The following STRIP1 variants were observed in gnomAD, a reference collection of about 807,000 sequenced individuals.
STRIP1 encodes the protein striatin interacting protein 1.
Under a neutral mutation model 106.2 loss-of-function variants are expected in STRIP1, and 63 were observed. That is an observed-to-expected ratio of 0.59 (90% CI 0.48 to 0.73). STRIP1 has a LOEUF of 0.73. Ranked by LOEUF, STRIP1 falls within the 30% of genes least tolerant of loss-of-function variation. The probability of loss-of-function intolerance (pLI) is 0.00; values close to 1 mark genes in which losing one functional copy is unlikely to be tolerated. For missense variants in STRIP1, 857 were observed against 1,074.8 expected, an observed-to-expected ratio of 0.80 and a Z score of 2.83; for synonymous variants, 390 against 413.0, an observed-to-expected ratio of 0.94 and a Z score of 0.67.
rs374884975 is a variant in STRIP1 at position 110,047,539 on chromosome 1, A to G, written c.1489-3A>G. 6.2e-7 allele frequency: 1 copy of G among 1,610,274 alleles called. No homozygotes were observed. The highest frequency in any genetic ancestry group is 8.5e-7 in the Non-Finnish European group (1 of 1,178,074). ...TTTATGCTTGTACTCATTATGTTAA[A>G]AGGGAGAAGAAGAAGTTGAGCAAGT... On this transcript the variant is annotated splice_region_variant and splice_polypyrimidine_tract_variant and intron_variant, in intron 13 of 20. Transcript: ENST00000369795.
At chr1:110,043,975 T>C in intron 10 of STRIP1, 119 bp downstream of exon 10, 1 of 962,030 alleles carries the variant, frequency 1.0e-6, no homozygotes, top group Non-Finnish European at 1.6e-6. Context: ...TGACCGTGGC[T>C]CTGGGATGAG....
At chr1:110,044,724 G>C (rs1652933602) in intron 10 of STRIP1, 116 bp from the exon 11 acceptor site, 1 of 931,272 alleles carries the variant, frequency 1.1e-6, no homozygotes, top group African/African-American at 1.7e-5. Flanking sequence ...AACAATTATA[G>C]GAGACTTCTC....
chr1:110,050,626 G>A (rs779100377), intron 18 of STRIP1, among the ~76,000 whole-genome samples: 2 of 152,222 alleles, frequency 1.3e-5, no homozygotes, highest in Non-Finnish European at 2.9e-5. Flanking sequence ...AGGGAGTGTG[G>A]TCTTCAGGGG....
rs1322311399 is a variant in STRIP1 at position 110,054,230 on chromosome 1, C to T, written c.*318C>T. ...TGGGAAAGCTGGAATGGGATGGGAACCCCTCCGCCGTGCATCTGAATTTCA... is the reference window on the plus strand; with the variant it reads ...TGGGAAAGCTGGAATGGGATGGGAATCCCTCCGCCGTGCATCTGAATTTCA... On this transcript the variant is annotated 3_prime_UTR_variant, in exon 21 of 21. Transcript: ENST00000369795. The T allele has an allele frequency of 4.1e-5, 13 of 320,746 alleles. No homozygotes were observed. In the Admixed American group the frequency reaches 5.1e-4, roughly 13 times the overall value. 19.9% of individuals were successfully genotyped at this position (320,746 alleles called of 1,614,324 possible). A position where few individuals can be genotyped will look rare whatever the true frequency, so the allele number is the denominator to read the frequency against.
intron 6 of STRIP1, among the ~76,000 whole-genome samples, chr1:110,040,956 A>C (rs1652730994): frequency 6.6e-6 from 1 of 152,058 alleles, no homozygotes; most frequent in South Asian, 2.1e-4. Context: ...GTGGCCTCCT[A>C]CTCACACTGT....
chr1:110,052,031 A>C (rs1653325819), intron 20 of STRIP1, 144 bp downstream of exon 20: 1 of 873,466 alleles, frequency 1.1e-6, no homozygotes, highest in African/African-American at 1.7e-5. Context: ...CTGCTTTTGT[A>C]GCATCAGGAT....
intron 20 of STRIP1, among the ~76,000 whole-genome samples, chr1:110,052,509 G>A (rs187546354): frequency 4.4e-4 from 67 of 151,980 alleles, no homozygotes; most frequent in African/African-American, 1.4e-3. Flanking sequence ...AGATTCTGTC[G>A]CCCAGGCTGG....
rs758844866 is a variant in STRIP1 at position 110,043,839 on chromosome 1, G to A, written c.1269G>A (p.Pro423=). 100 of 1,613,844 alleles carry A rather than the reference G, an allele frequency of 6.2e-5. 1 individual carries two copies. Among genetic ancestry groups the A allele is most frequent in the Middle Eastern group, 1.6e-4 (1 of 6,068 alleles). The change falls in exon 10 of 21, where the codon CCG becomes CCA. Residue 423 remains proline (P), a synonymous_variant. Transcript: ENST00000369795. The part of the protein sequence containing the change: ...TDRLTCPKGL[P]WAPKVREKDI... ...GGCTGACTTGCCCCAAAGGGCTCCC[G>A]TGGGCTCCCAAGGTCAGGTGAGTCT... is the stretch of plus-strand genomic sequence containing the variant.
intron 2 of STRIP1, 154 bp downstream of exon 2, chr1:110,038,114 GTA>G (rs1652566697): frequency 1.9e-5 from 2 of 107,958 alleles, no homozygotes; most frequent in South Asian, 3.0e-4. Flanking sequence ...ATATATATAT[GTA>G]TAAAACATGT....
chr1:110,034,671 A>C lies in STRIP1; in HGVS notation c.34A>C (p.Ile12Leu). Residue 12 changes from isoleucine (I) to leucine (L), a missense_variant, in exon 1 of 21, where the codon ATC (isoleucine) becomes CTC (leucine). Ile to Leu is a conservative substitution (Grantham distance 5). Transcript: ENST00000369795. Reference sequence around the variant, plus strand: ...GGCAGTCGGCGGTCCGGGCCCACTGATCGTGAACAACAAACAGCCCCAGCC... The same window carrying C: ...GGCAGTCGGCGGTCCGGGCCCACTGCTCGTGAACAACAAACAGCCCCAGCC... Reference protein sequence around the residue: ...EPAVGGPGPLIVNNKQPQPPP... With the variant: ...EPAVGGPGPLLVNNKQPQPPP... 6.6e-7 allele frequency: 1 copy of C among 1,524,580 alleles called. No homozygotes were observed. Among genetic ancestry groups the C allele is most frequent in the Non-Finnish European group, 8.8e-7 (1 of 1,136,962 alleles). 94.4% of individuals were successfully genotyped at this position (1,524,580 alleles called of 1,614,324 possible). A position where few individuals can be genotyped will look rare whatever the true frequency, so the allele number is the denominator to read the frequency against.
At chr1:110,050,160 C>A in intron 17 of STRIP1, 183 bp from the exon 18 acceptor site, 1 of 600,646 alleles carries the variant, frequency 1.7e-6, no homozygotes, top group Non-Finnish European at 3.0e-6. Flanking sequence ...TTTACAAGTT[C>A]TCTTGTAACA....
chr1:110,047,007 G>A (rs908482743), intron 13 of STRIP1, among the ~76,000 whole-genome samples: 2 of 152,080 alleles, frequency 1.3e-5, no homozygotes, highest in East Asian at 3.9e-4. Flanking sequence ...CCGAGATAGC[G>A]CCACTGCACT....
In STRIP1 at chr1:110,053,683, G is replaced by A. The variant is rs1212110318; in HGVS notation, c.2285G>A (p.Trp762Ter). The A allele has an allele frequency of 1.2e-6, 2 of 1,614,100 alleles. No homozygotes were observed. The highest frequency in any genetic ancestry group is 8.5e-7 in the Non-Finnish European group (1 of 1,180,004). The change falls in exon 21 of 21, where the codon TGG becomes TAG. Residue 762 changes from tryptophan to a stop codon, truncating the protein, a stop_gained. Transcript: ENST00000369795. LOFTEE classifies it high-confidence loss of function. ...AYGNDLDARP[W>*]DFQAEECALR... ...GTCTCAGATCTTGATGCCCGGCCTT[G>A]GGACTTCCAGGCAGAGGAGTGTGCC...
In STRIP1 at chr1:110,039,314, G is replaced by A. The variant is rs1464205731; in HGVS notation, c.460+8G>A. ...TTCTCTATGTTGCTCAAGGTATTGAGTGGACCTCCCCAGGGTTCCCTGGCA... is the reference window on the plus strand; with the variant it reads ...TTCTCTATGTTGCTCAAGGTATTGAATGGACCTCCCCAGGGTTCCCTGGCA... On this transcript the variant is annotated splice_region_variant and intron_variant, in intron 4 of 20. Coordinates refer to ENST00000369795, the MANE Select transcript of STRIP1 (RefSeq NM_033088.4). 1.9e-6 allele frequency: 3 copies of A among 1,614,020 alleles called. No individual in the cohort carries two copies. Among genetic ancestry groups the A allele is most frequent in the Admixed American group, 1.7e-5 (1 of 60,006 alleles).
chr1:110,032,795 A>G (rs1244353830), upstream of STRIP1, among the ~76,000 whole-genome samples: 1 of 152,178 alleles, frequency 6.6e-6, no homozygotes, highest in Non-Finnish European at 1.5e-5. Flanking sequence ...ATCTCCATCT[A>G]CATGGTCCCC....
intron 5 of STRIP1, chr1:110,039,731 G>A: frequency 1.9e-6 from 2 of 1,075,620 alleles, no homozygotes; most frequent in East Asian, 6.1e-5. Context: ...CCTGATGCCA[G>A]AGTTTTTACA....
rs1231237301 is a variant in STRIP1, at chr1:110,044,832, T to C, written c.1287-8T>C. ...TTTTTCTTTCTCTCTTTTTTGGTGA[T>C]GTGGCAGAGAGAAAGACATTGAGAT... On this transcript the variant is annotated splice_polypyrimidine_tract_variant and splice_region_variant and intron_variant, in intron 10 of 20. Transcript: ENST00000369795. 8.1e-6 allele frequency: 13 copies of C among 1,613,886 alleles called. No homozygotes were observed. The highest frequency in any genetic ancestry group is 1.0e-5 in the Non-Finnish European group (12 of 1,179,876).
chr1:110,046,701 G>A lies in STRIP1; in HGVS notation c.1438G>A (p.Glu480Lys). Residue 480 changes from glutamate (E) to lysine (K), a missense_variant, in exon 13 of 21, where the codon GAG becomes AAG. Coordinates refer to ENST00000369795, the MANE Select transcript of STRIP1 (RefSeq NM_033088.4). ...LKQHKYTSIA[E>K]VQAQMEEEYL... ...CCAGCACAAGTACACGTCGATTGCAGAGGTCCAGGCACAGATGGAGGAGGA... is the reference window on the plus strand; with the variant it reads ...CCAGCACAAGTACACGTCGATTGCAAAGGTCCAGGCACAGATGGAGGAGGA... The A allele has an allele frequency of 1.2e-6, 2 of 1,613,584 alleles. No homozygotes were observed. Among genetic ancestry groups the A allele is most frequent in the Non-Finnish European group, 1.7e-6 (2 of 1,179,614 alleles).
intron 1 of STRIP1, among the ~76,000 whole-genome samples, chr1:110,036,670 C>T (rs1652472959): frequency 6.6e-6 from 1 of 152,176 alleles, no homozygotes; most frequent in African/African-American, 2.4e-5. Flanking sequence ...CTATGTACTA[C>T]ATAATTTTGA....
Sources: gnomAD v4.1 joint callset for allele counts (sites outside exome capture counted in the v4.1 genomes callset) on GRCh38, gnomAD v4.1.1 for gene constraint, MANE v1.5 for transcripts, NCBI Gene and HGNC (gene_info 2026-07-23, HGNC 2026-07-21) for gene names.